The following ORC2 variants were observed in gnomAD, a reference collection of about 807,000 sequenced individuals.
The protein encoded by ORC2 is origin recognition complex protein 2 homolog.
In ORC2, 37 loss-of-function variants were observed where a neutral mutation model predicts 77.7. The observed-to-expected ratio is 0.48, with a 90% CI of 0.37 to 0.63. The LOEUF (loss-of-function observed/expected upper bound fraction) is 0.63. ORC2 is among the 20% of genes least tolerant of loss of function. The pLI, the probability that ORC2 is intolerant of heterozygous loss-of-function variation, is 0.00. For synonymous variants in ORC2, 201 were observed against 229.5 expected, an observed-to-expected ratio of 0.88 and a Z score of 1.12; for missense variants, 557 against 661.9, an observed-to-expected ratio of 0.84 and a Z score of 1.74.
At chr2:200,923,403 C>G (rs1432564384) in intron 13 of ORC2, among the ~76,000 whole-genome samples, 1 of 152,038 alleles carries the variant, frequency 6.6e-6, no homozygotes, top group Non-Finnish European at 1.5e-5. Flanking sequence ...TGCGCACCAC[C>G]AGGACCGGCT....
At chr2:200,923,724 G>A (rs2040795624) in intron 13 of ORC2, among the ~76,000 whole-genome samples, 2 of 152,052 alleles carry the variant, frequency 1.3e-5, no homozygotes. Context: ...CACTATGCTT[G>A]CGGGCCATTT....
intron 17 of ORC2, among the ~76,000 whole-genome samples, chr2:200,912,498 C>T (rs1489236570): frequency 6.6e-6 from 1 of 152,174 alleles, no homozygotes; most frequent in Admixed American, 6.5e-5. Flanking sequence ...TTACTGCAGC[C>T]TTCACCTCCC....
intron 5 of ORC2, among the ~76,000 whole-genome samples, chr2:200,949,174 G>A (rs1439448945): frequency 6.6e-6 from 1 of 151,618 alleles, no homozygotes; most frequent in African/African-American, 2.4e-5. Context: ...CCAGGAGGTG[G>A]AGGTTGCAGT....
rs893974151 is a variant in ORC2 at position 200,909,028 on chromosome 2, T to C, written c.*2273A>G. 2 of 152,198 alleles carry C rather than the reference T, an allele frequency of 1.3e-5. No individual in the cohort carries two copies. The highest frequency in any genetic ancestry group is 2.4e-5 in the African/African-American group (1 of 41,458). 9.4% of individuals were successfully genotyped at this position (152,198 alleles called of 1,614,324 possible). ...TTTATTTATTAATAATAAAGTCTAC[T>C]GACACATACTGCTTGCAAATAGTAT... On this transcript the variant is annotated 3_prime_UTR_variant, in exon 18 of 18. Transcript: ENST00000234296.
rs2040523799 is a variant in ORC2 at position 200,910,010 on chromosome 2, G to A, written c.*1291C>T. 1.3e-5 allele frequency: 2 copies of A among 152,154 alleles called. No individual in the cohort carries two copies. The highest frequency in any genetic ancestry group is 4.8e-5 in the African/African-American group (2 of 41,432). 9.4% of individuals were successfully genotyped at this position (152,154 alleles called of 1,614,324 possible). A position where few individuals can be genotyped will look rare whatever the true frequency, so the allele number is the denominator to read the frequency against. On this transcript the variant is annotated 3_prime_UTR_variant, in exon 18 of 18. Coordinates refer to ENST00000234296, the MANE Select transcript of ORC2 (RefSeq NM_006190.5). ...ACTCCTGGGCTCCAGAGATCCTCCT[G>A]CCTTGGCCTCCCAAAGTGTTGTGAT...
At chr2:200,961,847 G>A (rs976278035) in intron 1 of ORC2, among the ~76,000 whole-genome samples, 6 of 152,118 alleles carry the variant, frequency 3.9e-5, no homozygotes, top group Non-Finnish European at 7.4e-5. Flanking sequence ...GGCAATCAAA[G>A]CAAAAAGCAA....
intron 11 of ORC2, among the ~76,000 whole-genome samples, 194 bp from the exon 12 acceptor site, chr2:200,927,094 C>CT (rs879530297): frequency 2.9e-4 from 43 of 147,068 alleles, no homozygotes; most frequent in Non-Finnish European, 2.7e-4. Flanking sequence ...ATATATGTAT[C>CT]TTTTTTTTTT....
intron 5 of ORC2, among the ~76,000 whole-genome samples, chr2:200,947,713 C>T (rs1301184140): frequency 6.6e-6 from 1 of 152,060 alleles, no homozygotes; most frequent in African/African-American, 2.4e-5. Flanking sequence ...ACCACAAGAT[C>T]GAAATACAGT....
chr2:200,937,867 C>T, intron 8 of ORC2, 39 bp downstream of exon 8: 1 of 1,313,326 alleles, frequency 7.6e-7, no homozygotes, highest in Non-Finnish European at 1.1e-6. Flanking sequence ...TGTTTAGATG[C>T]TACTTTTTAT....
intron 4 of ORC2, among the ~76,000 whole-genome samples, chr2:200,951,208 T>TTATTTAAGTGCTGAA (rs2041349780): frequency 6.6e-6 from 1 of 152,212 alleles, no homozygotes; most frequent in African/African-American, 2.4e-5. Flanking sequence ...TAGCTCTTTT[T>TTATTTAAGTGCTGAA]TATTTAAGTG....
At position 200,925,880 on chromosome 2, in the gene ORC2, C is replaced by T; in HGVS notation, c.1103G>A (p.Ser368Asn). 3.1e-6 allele frequency: 5 copies of T among 1,602,122 alleles called. No individual in the cohort carries two copies. In the South Asian group the frequency reaches 3.3e-5, roughly 11 times the overall value. ...EVLDHMGTFR[S>N]ILDQLDWIVN... ...TATCCAGTCTAGCTGATCCAGTATA[C>T]TGCGGAAAGTACCCATATGATCGAG... The change falls in exon 13 of 18, where the codon AGT becomes AAT. Residue 368 changes from serine (S) to asparagine (N), a missense_variant. Transcript: ENST00000234296.
chr2:200,918,649 C>T (rs767733679), intron 15 of ORC2, among the ~76,000 whole-genome samples: 2 of 151,810 alleles, frequency 1.3e-5, no homozygotes, highest in East Asian at 1.9e-4. Context: ...CCACCAAGTC[C>T]GGCTAATTTT....
intron 15 of ORC2, among the ~76,000 whole-genome samples, 173 bp from the exon 16 acceptor site, chr2:200,914,165 CTTTT>C (rs1158874227): frequency 4.4e-5 from 6 of 134,850 alleles, no homozygotes; most frequent in Non-Finnish European, 4.8e-5. Context: ...TTTCTAATTT[CTTTT>C]TTTTTTTTTT....
intron 10 of ORC2, among the ~76,000 whole-genome samples, chr2:200,932,380 C>G (rs1218132511): frequency 6.9e-5 from 10 of 145,850 alleles, no homozygotes; most frequent in African/African-American, 2.3e-4. Flanking sequence ...TGCTCTGTCA[C>G]CCAGCCTGGA....
chr2:200,924,163 C>T (rs1253665725), intron 13 of ORC2, among the ~76,000 whole-genome samples: 1 of 152,062 alleles, frequency 6.6e-6, no homozygotes, highest in African/African-American at 2.4e-5. Context: ...GCCTGGGCAA[C>T]ACAGTGAGAC....
At chr2:200,957,725 A>C (rs529567048) in intron 3 of ORC2, among the ~76,000 whole-genome samples, 181 bp from the exon 4 acceptor site, 27 of 152,044 alleles carry the variant, frequency 1.8e-4, no homozygotes, top group East Asian at 3.9e-4. Context: ...TAAAAAAAAA[A>C]ACACACACAA....
At chr2:200,959,815 A>C (rs1178382162) in intron 1 of ORC2, among the ~76,000 whole-genome samples, 1 of 151,726 alleles carries the variant, frequency 6.6e-6, no homozygotes, top group African/African-American at 2.4e-5. Context: ...CTATAATCTC[A>C]GTGCTTTGGG....
At chr2:200,944,920 G>C (rs1365172691) in intron 5 of ORC2, among the ~76,000 whole-genome samples, 1 of 152,106 alleles carries the variant, frequency 6.6e-6, no homozygotes, top group Non-Finnish European at 1.5e-5. Flanking sequence ...TTTATGTCAG[G>C]GGTCAGCAAG....
intron 5 of ORC2, among the ~76,000 whole-genome samples, chr2:200,946,869 A>G (rs1291477797): frequency 6.6e-6 from 1 of 152,118 alleles, no homozygotes; most frequent in East Asian, 1.9e-4. Flanking sequence ...CAGTGCTCCT[A>G]TACAGGATTC....
Sources: gnomAD v4.1 joint callset for allele counts (sites outside exome capture counted in the v4.1 genomes callset) on GRCh38, gnomAD v4.1.1 for gene constraint, MANE v1.5 for transcripts, NCBI Gene and HGNC (gene_info 2026-07-23, HGNC 2026-07-21) for gene names.